Variants in AMZ1 observed in about 807,000 individuals in gnomAD.
The protein encoded by AMZ1 is archaelysin family metallopeptidase 1, also known as archaemetzincin-1.
A neutral mutation model predicts 29.9 loss-of-function variants in AMZ1; 39 were observed. That is an observed-to-expected ratio of 1.30 (90% confidence interval 1.01 to 1.70). AMZ1 has a LOEUF of 1.70. AMZ1 is among the 40% of genes most tolerant of loss of function. The pLI is 0.00. For synonymous variants in AMZ1, 458 were observed against 304.0 expected, an observed-to-expected ratio of 1.51 and a Z score of -5.27; for missense variants, 1,041 against 680.6, an observed-to-expected ratio of 1.53 and a Z score of -5.89.
intron 4 of AMZ1, among the ~76,000 whole-genome samples, chr7:2,756,487 C>T (rs1260822536): frequency 1.8e-4 from 28 of 151,830 alleles, no homozygotes; most frequent in African/African-American, 6.0e-4. Flanking sequence ...TGGTGGCACA[C>T]GCCTATAGTC....
In AMZ1 at chr7:2,709,840, C is replaced by T. The variant is rs200458814; in HGVS notation, c.948+24C>T. The T allele has an allele frequency of 1.2e-4, 190 of 1,608,640 alleles. 1 individual carries two copies. The East Asian group carries it at 1.3e-3, about 11-fold the overall frequency. ...AGGTGAGTGGCTGAGTTGCGCTGCCCGGCTGCTGGGACCTGCGCTCCGGAG... is the reference window on the plus strand; with the variant it reads ...AGGTGAGTGGCTGAGTTGCGCTGCCTGGCTGCTGGGACCTGCGCTCCGGAG... On this transcript the variant is annotated intron_variant, in intron 6 of 6. Transcript: ENST00000683327.
At position 2,713,454 on chromosome 7, in the gene AMZ1, G is replaced by C. The variant is rs758411248; in HGVS notation, c.*576G>C. On this transcript the variant is annotated 3_prime_UTR_variant, in exon 7 of 7. Transcript: ENST00000683327. ...GGCAGAAGGAAGCAGCGTGCGTCCTGTCTCCTTCCAGGCTGTGGGCCTGCC... is the reference window on the plus strand; with the variant it reads ...GGCAGAAGGAAGCAGCGTGCGTCCTCTCTCCTTCCAGGCTGTGGGCCTGCC... The C allele has an allele frequency of 6.5e-6, 1 of 152,700 alleles. No homozygotes were observed. The highest frequency in any genetic ancestry group is 1.5e-5 in the Non-Finnish European group (1 of 68,310). The allele number at this position is 152,700 out of a possible 1,614,324, so 9.5% of individuals were successfully genotyped here.
intron 3 of AMZ1, among the ~76,000 whole-genome samples, chr7:2,708,082 C>G (rs7788903): frequency 6.6e-6 from 1 of 151,868 alleles, no homozygotes; most frequent in Non-Finnish European, 1.5e-5. Flanking sequence ...CTTGGCCTCC[C>G]GAGTTGCTGG....
Position 2,719,024 on chromosome 7 carries a change from T to C in AMZ1, c.*6146T>C, listed in dbSNP as rs1447311154. Among the ~76,000 whole-genome samples the C allele has an allele frequency of 1.4e-4, 20 of 142,290 alleles. No homozygotes were observed. The highest frequency in any genetic ancestry group is 1.4e-3 in the East Asian group (7 of 4,998). The allele number at this position is 142,290 out of a possible 152,430, so 93.3% of individuals were successfully genotyped here. A position where few individuals can be genotyped will look rare whatever the true frequency, so the allele number is the denominator to read the frequency against. On this transcript the variant is annotated 3_prime_UTR_variant, in exon 7 of 7. Coordinates refer to ENST00000683327, the MANE Select transcript of AMZ1 (RefSeq NM_001384743.1). ...AACAGGCGACTTTTTTTTTTTTTTT[T>C]CCCCCCCATCTGAAGTGAGATCAAA...
chr7:2,709,679 A>C lies in AMZ1; in HGVS notation c.811A>C (p.Asn271His), dbSNP rs1185842229. ...GCTCTGCCACCTTCTGGGCCTGGGG[A>C]ACTGCCGCTGGCTCCGCTGCCTCAT... The part of the protein sequence containing the change: ...HELCHLLGLG[N>H]CRWLRCLMQG... Residue 271 changes from asparagine to histidine, a missense_variant, in exon 6 of 7, where the codon AAC becomes CAC. By Grantham distance (68) the Asn-to-His change is moderately conservative. Coordinates refer to ENST00000683327, the MANE Select transcript of AMZ1 (RefSeq NM_001384743.1). The C allele has an allele frequency of 3.7e-6, 6 of 1,610,638 alleles. No homozygotes were observed. The highest frequency in any genetic ancestry group is 5.1e-6 in the Non-Finnish European group (6 of 1,179,646).
At position 2,712,802 on chromosome 7, in the gene AMZ1, T is replaced by C; in HGVS notation, c.1421T>C (p.Leu474Pro). 6.5e-7 allele frequency: 1 copy of C among 1,547,262 alleles called. No homozygotes were observed. ...GTGCTGGGGGACAAGTTCTCCTCCC[T>C]GAGGAGGAAGCTGAGTGCCCGAAAA... ...RKVLGDKFSS[L>P]RRKLSARKLA... The change falls in exon 7 of 7, where the codon CTG becomes CCG. Residue 474 changes from leucine (L) to proline (P), a missense_variant. Coordinates refer to ENST00000683327, the MANE Select transcript of AMZ1 (RefSeq NM_001384743.1).
chr7:2,744,683 A>G (rs1251545025), intron 4 of AMZ1, among the ~76,000 whole-genome samples: 1 of 152,210 alleles, frequency 6.6e-6, no homozygotes, highest in Non-Finnish European at 1.5e-5. Flanking sequence ...GACTTTGACG[A>G]GTTGAGAAAA....
chr7:2,737,547 C>T (rs998929161), intron 4 of AMZ1, among the ~76,000 whole-genome samples: 12 of 152,110 alleles, frequency 7.9e-5, no homozygotes, highest in Admixed American at 7.9e-4. Flanking sequence ...CCTCAGCCTC[C>T]CAGAGTGCTG....
In AMZ1 at chr7:2,717,723, G is replaced by A. The variant is rs556245313; in HGVS notation, c.*4845G>A. Among the ~76,000 whole-genome samples, 6 of 152,248 alleles carry A rather than the reference G, an allele frequency of 3.9e-5. No homozygotes were observed. The South Asian group carries it at 1.2e-3, about 32-fold the overall frequency. On this transcript the variant is annotated 3_prime_UTR_variant, in exon 7 of 7. Coordinates refer to ENST00000683327, the MANE Select transcript of AMZ1 (RefSeq NM_001384743.1). ...ATGCAGATCGCGGGTGGAGACGGCC[G>A]GCCGAGCCTTCCCTTTTCTGACATC... is the stretch of plus-strand genomic sequence containing the variant.
chr7:2,731,104 C>T lies in AMZ1; in HGVS notation n.550+21288C>T, dbSNP rs1789864749. Reference sequence around the variant, plus strand: ...CCGAGAAACCCACTCAAGGACCACACAGACAACACACACCCAAGAGTCTGA... The same window carrying T: ...CCGAGAAACCCACTCAAGGACCACATAGACAACACACACCCAAGAGTCTGA... On this transcript the variant is annotated intron_variant and non_coding_transcript_variant, in intron 4 of 4. Coordinates refer to the AMZ1 transcript ENST00000489665. The surrounding 1 kb of genome is among the most constrained non-coding windows in gnomAD (Gnocchi z 6.0). 3 of 983,964 alleles carry T rather than the reference C, an allele frequency of 3.0e-6. No individual in the cohort carries two copies. The highest frequency in any genetic ancestry group is 2.4e-5 in the East Asian group (1 of 41,740). 61.0% of individuals were successfully genotyped at this position (983,964 alleles called of 1,614,324 possible). A position where few individuals can be genotyped will look rare whatever the true frequency, so the allele number is the denominator to read the frequency against.
chr7:2,753,182 TCTTA>T, intron 4 of AMZ1, among the ~76,000 whole-genome samples: 1 of 150,708 alleles, frequency 6.6e-6, no homozygotes, highest in South Asian at 2.1e-4. Context: ...AGAGACAGGG[TCTTA>T]CTGTGTTGCC....
chr7:2,739,702 T>TCTCG (rs1790402879), intron 4 of AMZ1, among the ~76,000 whole-genome samples: 1 of 152,056 alleles, frequency 6.6e-6, no homozygotes, highest in African/African-American at 2.4e-5. Context: ...TAAAATGGAG[T>TCTCG]CTCGCCCCGT....
At chr7:2,732,389 G>A (rs1789942043) in intron 4 of AMZ1, among the ~76,000 whole-genome samples, 1 of 152,060 alleles carries the variant, frequency 6.6e-6, no homozygotes, top group South Asian at 2.1e-4. Context: ...TTTACAAGAA[G>A]TAAAAACATT....
upstream of AMZ1, chr7:2,762,472 C>T: frequency 1.5e-6 from 1 of 652,768 alleles, no homozygotes; most frequent in Non-Finnish European, 2.5e-6. Flanking sequence ...CCTCTGAACC[C>T]ACCCGTGTGC....
intron 4 of AMZ1, among the ~76,000 whole-genome samples, chr7:2,738,325 T>C (rs1455915533): frequency 6.6e-6 from 1 of 150,974 alleles, no homozygotes; most frequent in African/African-American, 2.4e-5. Context: ...CTGGCAGAAA[T>C]ACAAAGTGAC....
intron 4 of AMZ1, among the ~76,000 whole-genome samples, chr7:2,739,782 C>T (rs548915600): frequency 2.0e-5 from 3 of 152,322 alleles, no homozygotes; most frequent in South Asian, 4.1e-4. Context: ...AAGCAGTTCT[C>T]TTGCCTCAGC....
intron 6 of AMZ1, 79 bp from the exon 7 acceptor site, chr7:2,712,251 G>C: frequency 1.4e-6 from 2 of 1,432,042 alleles, no homozygotes; most frequent in South Asian, 2.9e-5. Context: ...GTCCCCTTAG[G>C]TAAGGAGGTC....
chr7:2,699,763 G>T (rs1787945275), intron 1 of AMZ1, among the ~76,000 whole-genome samples: 1 of 152,208 alleles, frequency 6.6e-6, no homozygotes, highest in Non-Finnish European at 1.5e-5. Context: ...GTGGAGAGGA[G>T]CATTTGGTTT....
Position 2,712,845 on chromosome 7 carries a change from G to A in AMZ1, c.1464G>A (p.Ser488=), listed in dbSNP as rs140941586. 356 of 1,526,912 alleles carry A rather than the reference G, an allele frequency of 2.3e-4. No homozygotes were observed. Among genetic ancestry groups the A allele is most frequent in the Middle Eastern group, 3.6e-4 (2 of 5,628 alleles). 94.6% of individuals were successfully genotyped at this position (1,526,912 alleles called of 1,614,324 possible). ...LSARKLARAE[S]APRPWDGEES ...CCCGAAAACTCGCCAGAGCAGAGTC[G>A]GCCCCCCGTCCCTGGGATGGGGAAG... Residue 488 remains serine (S), a synonymous_variant, in exon 7 of 7, where the codon TCG becomes TCA. Coordinates refer to ENST00000683327, the MANE Select transcript of AMZ1 (RefSeq NM_001384743.1).
Sources: gnomAD v4.1 joint callset for allele counts (sites outside exome capture counted in the v4.1 genomes callset) on GRCh38, gnomAD v4.1.1 for gene constraint, Gnocchi (gnomAD v3.1) non-coding constraint, MANE v1.5 for transcripts, NCBI Gene and HGNC (gene_info 2026-07-23, HGNC 2026-07-21) for gene names.